Variants in NUP210L observed in about 807,000 individuals in gnomAD.
The protein encoded by NUP210L is nuclear pore membrane glycoprotein 210-like.
A neutral mutation model predicts 208.5 loss-of-function variants in NUP210L; 74 were observed. The observed-to-expected ratio is 0.35, with a 90% CI of 0.29 to 0.43. The LOEUF (loss-of-function observed/expected upper bound fraction) is 0.43, where lower values mean the gene tolerates loss of function less well. Among genes scored for constraint, NUP210L ranks in the 20% least tolerant of loss-of-function variants. The pLI is 1.00. For missense variants in NUP210L, 1,843 were observed against 2,289.4 expected (o/e 0.81, Z 3.98); for synonymous variants, 780 against 816.9 (o/e 0.95, Z 0.77).
At chr1:154,024,920 C>CTG (rs1651773343) in intron 30 of NUP210L, among the ~76,000 whole-genome samples, 1 of 111,116 alleles carries the variant, frequency 9.0e-6, no homozygotes, top group South Asian at 3.2e-4. Flanking sequence ...TTAGGCTGAT[C>CTG]TGTTTTTTTT....
chr1:153,992,824 C>G, exon 40 of NUP210L: 1 of 1,563,774 alleles, frequency 6.4e-7, no homozygotes. Flanking sequence ...AGAAACTTGT[C>G]CAAGCAGAGG....
chr1:154,049,208 T>C (rs1255700956), intron 25 of NUP210L, among the ~76,000 whole-genome samples: 1 of 152,180 alleles, frequency 6.6e-6, no homozygotes, highest in Non-Finnish European at 1.5e-5. Context: ...TTTTGCATTG[T>C]GAAGGGCCCA....
intron 4 of NUP210L, 23 bp from the exon 5 acceptor site, chr1:154,139,975 GT>G (rs1558005854): frequency 1.3e-6 from 2 of 1,579,514 alleles, no homozygotes; most frequent in South Asian, 2.3e-5. Context: ...AATAAAATGT[GT>G]TTCTAGCAGA....
At chr1:154,047,957 T>G (rs1653281005) in intron 25 of NUP210L, among the ~76,000 whole-genome samples, 1 of 152,132 alleles carries the variant, frequency 6.6e-6, no homozygotes, top group African/African-American at 2.4e-5. Flanking sequence ...TCTTAAGCAA[T>G]CCCTGTGGTG....
chr1:154,122,519 G>C (rs759731236), intron 10 of NUP210L, among the ~76,000 whole-genome samples: 1 of 152,120 alleles, frequency 6.6e-6, no homozygotes, highest in Non-Finnish European at 1.5e-5. Context: ...AGCCGGGCAT[G>C]GTGGCAGGCG....
chr1:154,142,442 T>G (rs1658898696), intron 3 of NUP210L, among the ~76,000 whole-genome samples: 1 of 152,088 alleles, frequency 6.6e-6, no homozygotes, highest in Admixed American at 6.6e-5. Context: ...AAAGATTAGA[T>G]CAAGATTGTA....
rs1404525590 is a variant in NUP210L, at chr1:154,046,197, G to A, written c.3568C>T (p.Pro1190Ser). ...CTGGTTACTCCCATGACATAAACTG[G>A]CATCTGAAAATAAATAGCAGCATTG... Residue 1190 changes from proline to serine, a missense_variant, in exon 27 of 40, where the codon CCA becomes TCA. Physicochemically the swap from Pro to Ser is moderately conservative, Grantham distance 74 (BLOSUM62 -1). This residue lies in a region of NUP210L where 781 missense variants were observed against 973.8 expected (regional missense o/e 0.80). Transcript: ENST00000368559. 3.1e-6 allele frequency: 5 copies of A among 1,613,876 alleles called. No individual in the cohort carries two copies. In the Admixed American group the frequency reaches 5.0e-5, roughly 16 times the overall value.
intron 13 of NUP210L, among the ~76,000 whole-genome samples, chr1:154,100,728 C>T (rs1451541427): frequency 1.3e-5 from 2 of 151,102 alleles, no homozygotes; most frequent in Non-Finnish European, 2.9e-5. Context: ...CTGTATTGGC[C>T]ACGCTGGTCT....
intron 10 of NUP210L, among the ~76,000 whole-genome samples, chr1:154,124,485 C>A (rs1315762318): frequency 6.6e-6 from 1 of 152,016 alleles, no homozygotes; most frequent in Non-Finnish European, 1.5e-5. Context: ...TACTCAATAA[C>A]TCCATTTCTG....
At chr1:154,018,056 C>T (rs1335787050) in intron 33 of NUP210L, among the ~76,000 whole-genome samples, 1 of 151,828 alleles carries the variant, frequency 6.6e-6, no homozygotes, top group East Asian at 1.9e-4. Context: ...ACTGCAACCT[C>T]CACCTCCCAG....
At chr1:154,044,172 G>A (rs1206010424) in intron 27 of NUP210L, among the ~76,000 whole-genome samples, 11 of 151,910 alleles carry the variant, frequency 7.2e-5, no homozygotes, top group Admixed American at 3.9e-4. Flanking sequence ...TTGGGAGGCC[G>A]AGGTGGGTGG....
At chr1:154,091,093 T>TTA (rs957100967) in intron 15 of NUP210L, among the ~76,000 whole-genome samples, 2 of 148,296 alleles carry the variant, frequency 1.3e-5, no homozygotes, top group African/African-American at 4.9e-5. Flanking sequence ...ATTATTATTA[T>TTA]TATTATTATT....
At chr1:154,090,971 T>G (rs1028523096) in intron 15 of NUP210L, among the ~76,000 whole-genome samples, 5 of 151,620 alleles carry the variant, frequency 3.3e-5, no homozygotes, top group Non-Finnish European at 5.9e-5. Context: ...TACCATATGA[T>G]CAAGCAATTC....
rs1291752171 is a variant in NUP210L at position 154,006,844 on chromosome 1, A to G, written c.4930+3128T>C. Reference sequence around the variant, plus strand: ...TATATATATATATATATATATATGTATATATATAAATATATACATATACAT... The same window carrying G: ...TATATATATATATATATATATATGTGTATATATAAATATATACATATACAT... On this transcript the variant is annotated intron_variant, in intron 35 of 39. Transcript: ENST00000368559. Among the ~76,000 whole-genome samples the G allele has an allele frequency of 6.8e-5, 9 of 131,926 alleles. No homozygotes were observed. The South Asian group carries it at 1.9e-3, about 28-fold the overall frequency. The allele number at this position is 131,926 out of a possible 152,430, so 86.5% of individuals were successfully genotyped here.
chr1:154,056,330 T>C (rs1448306489), intron 23 of NUP210L, among the ~76,000 whole-genome samples: 6 of 152,086 alleles, frequency 3.9e-5, no homozygotes, highest in Non-Finnish European at 8.8e-5. Flanking sequence ...TTCCAAATTT[T>C]CTATAAGAAC....
intron 10 of NUP210L, 147 bp downstream of exon 10, chr1:154,126,176 A>T: frequency 1.7e-6 from 1 of 581,220 alleles, no homozygotes; most frequent in South Asian, 2.8e-5. Flanking sequence ...AAATTTGTAG[A>T]GGTATACACT....
In NUP210L at chr1:154,118,656, T is replaced by C. The variant is rs764344487; in HGVS notation, c.1464+15A>G. The C allele has an allele frequency of 6.6e-7, 1 of 1,509,364 alleles. No homozygotes were observed. The highest frequency in any genetic ancestry group is 8.9e-7 in the Non-Finnish European group (1 of 1,123,226). 93.5% of individuals were successfully genotyped at this position (1,509,364 alleles called of 1,614,324 possible). On this transcript the variant is annotated intron_variant, in intron 11 of 39. Transcript: ENST00000368559. The stretch of plus-strand genomic sequence containing the variant: ...ACCGGCTTATCTCCTTGTGAAGCCT[T>C]ATAGGACACCATACCTGTACTTTAT...
chr1:154,116,898 G>A (rs1291354286), intron 12 of NUP210L, among the ~76,000 whole-genome samples: 3 of 152,018 alleles, frequency 2.0e-5, no homozygotes, highest in Admixed American at 1.3e-4. Context: ...AAAAGTTAAC[G>A]TTAATTAAAT....
intron 13 of NUP210L, among the ~76,000 whole-genome samples, chr1:154,102,272 T>G (rs1656510609): frequency 6.6e-6 from 1 of 151,790 alleles, no homozygotes; most frequent in African/African-American, 2.4e-5. Flanking sequence ...TACCGTAGAG[T>G]GGTCTTGAAT....
Sources: gnomAD v4.1 joint callset for allele counts (sites outside exome capture counted in the v4.1 genomes callset) on GRCh38, gnomAD v4.1.1 for gene constraint, gnomAD v4.1.1 regional missense constraint, MANE v1.5 for transcripts, NCBI Gene and HGNC (gene_info 2026-07-23, HGNC 2026-07-21) for gene names.